The following SLC4A10 variants were observed in gnomAD, a reference collection of about 807,000 sequenced individuals.
SLC4A10 encodes solute carrier family 4 member 10.
Under a neutral mutation model 137.7 loss-of-function variants are expected in SLC4A10, and 42 were observed. The observed-to-expected ratio is 0.30, with a 90% CI of 0.24 to 0.39. The LOEUF (loss-of-function observed/expected upper bound fraction) is 0.39, where lower values mean the gene tolerates loss of function less well. SLC4A10 is among the 10% of genes least tolerant of loss of function. The probability of loss-of-function intolerance (pLI) is 1.00; values close to 1 mark genes in which losing one functional copy is unlikely to be tolerated. For synonymous variants in SLC4A10, 474 were observed against 464.1 expected, an observed-to-expected ratio of 1.02 and a Z score of -0.27; for missense variants, 925 against 1,355.0, an observed-to-expected ratio of 0.68 and a Z score of 4.98.
At chr2:161,846,532 A>G (rs2059507290) in intron 4 of SLC4A10, among the ~76,000 whole-genome samples, 1 of 152,202 alleles carries the variant, frequency 6.6e-6, no homozygotes, top group Admixed American at 6.5e-5. Flanking sequence ...GAGTGTTCAC[A>G]GCAAATTTAT....
Position 161,947,697 on chromosome 2 carries a change from G to T in SLC4A10, c.2235G>T (p.Gln745His). 6.2e-7 allele frequency: 1 copy of T among 1,612,852 alleles called. No homozygotes were observed. The highest frequency in any genetic ancestry group is 8.5e-7 in the Non-Finnish European group (1 of 1,179,208). ...TTACTCTGTCAGCCACCCTGAAGCA[G>T]TTCAAGACTAGCAGATATTTTCCAA... ...STVTLSATLK[Q>H]FKTSRYFPTK... Residue 745 changes from glutamine (Q) to histidine (H), a missense_variant, in exon 17 of 27, where the codon CAG (glutamine) becomes CAT (histidine). By Grantham distance (24) the Gln-to-His change is conservative (BLOSUM62 0). This residue lies in a region of SLC4A10 where 82 missense variants were observed against 151.4 expected (regional missense o/e 0.54). Coordinates refer to ENST00000446997, the MANE Select transcript of SLC4A10 (RefSeq NM_001178015.2).
chr2:161,677,361 A>C (rs140702137), intron 1 of SLC4A10, among the ~76,000 whole-genome samples: 1 of 152,298 alleles, frequency 6.6e-6, no homozygotes, highest in South Asian at 2.1e-4. Context: ...TTTCTTTACA[A>C]ATCACCCAGC....
chr2:161,677,934 G>A (rs1248578358), intron 1 of SLC4A10, among the ~76,000 whole-genome samples: 7 of 152,076 alleles, frequency 4.6e-5, no homozygotes. Context: ...AGGGCAAGAG[G>A]TATATCCTGA....
intron 3 of SLC4A10, among the ~76,000 whole-genome samples, chr2:161,834,072 T>C (rs1169948026): frequency 6.6e-6 from 1 of 152,256 alleles, no homozygotes; most frequent in Admixed American, 6.5e-5. Flanking sequence ...TTATTCTTTC[T>C]TATTACAGAA....
At chr2:161,720,312 T>G (rs1023215475) in intron 1 of SLC4A10, among the ~76,000 whole-genome samples, 1 of 152,222 alleles carries the variant, frequency 6.6e-6, no homozygotes, top group African/African-American at 2.4e-5. Flanking sequence ...GTAGTATAGT[T>G]TGAAGTCAGG....
chr2:161,662,392 AT>A (rs563864587), intron 1 of SLC4A10, among the ~76,000 whole-genome samples: 40 of 151,804 alleles, frequency 2.6e-4, no homozygotes, highest in African/African-American at 9.4e-4. Context: ...GAGATGCAGG[AT>A]TTTTTTTTAA....
intron 1 of SLC4A10, among the ~76,000 whole-genome samples, chr2:161,767,135 A>G (rs367546787): frequency 0.086 from 7,697 of 89,144 alleles, 422 homozygotes; most frequent in Non-Finnish European, 0.11. Context: ...ATATATATAT[A>G]TATATGTGTG....
At chr2:161,817,656 A>C (rs935290973) in intron 3 of SLC4A10, among the ~76,000 whole-genome samples, 1 of 152,150 alleles carries the variant, frequency 6.6e-6, no homozygotes, top group African/African-American at 2.4e-5. Flanking sequence ...TAATTTTTGT[A>C]TATGGTGTAA....
chr2:161,644,828 T>G (rs1050487240), intron 1 of SLC4A10, among the ~76,000 whole-genome samples: 3 of 152,142 alleles, frequency 2.0e-5, no homozygotes, highest in Non-Finnish European at 4.4e-5. Flanking sequence ...TTTATTTCTA[T>G]CCACTATTTT....
chr2:161,916,176 A>G (rs1011202507), intron 15 of SLC4A10, among the ~76,000 whole-genome samples: 2 of 152,188 alleles, frequency 1.3e-5, no homozygotes, highest in Admixed American at 6.5e-5. Flanking sequence ...GGCATAGCAA[A>G]CTAATACATT....
chr2:161,795,337 T>C (rs1173444927), intron 2 of SLC4A10, among the ~76,000 whole-genome samples: 1 of 152,178 alleles, frequency 6.6e-6, no homozygotes, highest in East Asian at 1.9e-4. Context: ...CAGACCATGC[T>C]ATAGCTTTGA....
chr2:161,639,508 A>G (rs543807976), intron 1 of SLC4A10, among the ~76,000 whole-genome samples: 2 of 152,296 alleles, frequency 1.3e-5, no homozygotes, highest in African/African-American at 4.8e-5. Flanking sequence ...CATTAACAGA[A>G]AGAAGAACAG....
chr2:161,882,373 C>A lies in SLC4A10; in HGVS notation c.1123C>A (p.Leu375Met). Residue 375 changes from leucine (L) to methionine (M), a missense_variant, in exon 10 of 27, where the codon CTG becomes ATG. By Grantham distance (15) the Leu-to-Met change is conservative. Transcript: ENST00000446997. ...TAATTACAGATTTTTGTTCATTCTTCTGGGACCCCTGGGAAAGGGTCAACA... is the reference window on the plus strand; with the variant it reads ...TAATTACAGATTTTTGTTCATTCTTATGGGACCCCTGGGAAAGGGTCAACA... ...PIPTRFLFIL[L>M]GPLGKGQQYH... 1 of 1,582,166 alleles carries A rather than the reference C, an allele frequency of 6.3e-7. No homozygotes were observed. Among genetic ancestry groups the A allele is most frequent in the Non-Finnish European group, 8.6e-7 (1 of 1,163,864 alleles).
chr2:161,756,579 A>G lies in SLC4A10; in HGVS notation c.49-14394A>G, dbSNP rs540290358. On this transcript the variant is annotated intron_variant, in intron 1 of 26. Coordinates refer to ENST00000446997, the MANE Select transcript of SLC4A10 (RefSeq NM_001178015.2). Reference sequence around the variant, plus strand: ...AGAAATCCAGGGTTACATAGATTTTATAGCTGCACAATTTGGGCCACCTAA... The same window carrying G: ...AGAAATCCAGGGTTACATAGATTTTGTAGCTGCACAATTTGGGCCACCTAA... Among the ~76,000 whole-genome samples, 27 of 152,316 alleles carry G rather than the reference A, an allele frequency of 1.8e-4. 1 individual carries two copies. The highest frequency in any genetic ancestry group is 6.5e-4 in the African/African-American group (27 of 41,568).
chr2:161,724,063 A>G (rs1432068612), intron 1 of SLC4A10, among the ~76,000 whole-genome samples: 1 of 152,166 alleles, frequency 6.6e-6, no homozygotes, highest in Non-Finnish European at 1.5e-5. Flanking sequence ...CAACCTCAAA[A>G]CCAATTAATC....
chr2:161,739,772 A>G (rs2047696460), intron 1 of SLC4A10, among the ~76,000 whole-genome samples: 1 of 152,150 alleles, frequency 6.6e-6, no homozygotes, highest in Non-Finnish European at 1.5e-5. Flanking sequence ...AAAGTTGCAA[A>G]AGGAACATAC....
At chr2:161,724,757 T>G (rs938826396) in intron 1 of SLC4A10, among the ~76,000 whole-genome samples, 7 of 152,206 alleles carry the variant, frequency 4.6e-5, no homozygotes, top group African/African-American at 1.7e-4. Context: ...GTTTTTGTCT[T>G]GCTGACCTTT....
chr2:161,763,613 G>T (rs1192565354), intron 1 of SLC4A10, among the ~76,000 whole-genome samples: 1 of 152,062 alleles, frequency 6.6e-6, no homozygotes, highest in Non-Finnish European at 1.5e-5. Context: ...GGAGTCATAG[G>T]ACAAGAGCTC....
At chr2:161,873,811 C>G (rs568454668) in intron 7 of SLC4A10, 105 bp from the exon 8 acceptor site, 1 of 1,157,188 alleles carries the variant, frequency 8.6e-7, no homozygotes, top group South Asian at 1.4e-5. Context: ...CTGACAATGC[C>G]TAAATAATCT....
Sources: gnomAD v4.1 joint callset for allele counts (sites outside exome capture counted in the v4.1 genomes callset) on GRCh38, gnomAD v4.1.1 for gene constraint, gnomAD v4.1.1 regional missense constraint, MANE v1.5 for transcripts, NCBI Gene and HGNC (gene_info 2026-07-23, HGNC 2026-07-21) for gene names.